The following INTS4 variants were observed in gnomAD, a reference collection of about 807,000 sequenced individuals.
INTS4 encodes MSTP093.
In INTS4, 70 loss-of-function variants were observed where a neutral mutation model predicts 119.5. The ratio of observed to expected loss-of-function variants is 0.59; its 90% CI spans 0.48 to 0.71. INTS4 has a LOEUF of 0.71. Among genes scored for constraint, INTS4 ranks in the 30% least tolerant of loss-of-function variants. The probability of loss-of-function intolerance (pLI) is 0.00; values close to 1 mark genes in which losing one functional copy is unlikely to be tolerated. For synonymous variants in INTS4, 316 were observed against 419.6 expected (o/e 0.75, Z 3.02); for missense variants, 867 against 1,173.2 (o/e 0.74, Z 3.81).
At chr11:77,936,253 C>G (rs893867136) in intron 10 of INTS4, among the ~76,000 whole-genome samples, 20 of 151,982 alleles carry the variant, frequency 1.3e-4, no homozygotes, top group Admixed American at 1.3e-3. Context: ...AACCAACCTA[C>G]GAATCACAGA....
intron 22 of INTS4, among the ~76,000 whole-genome samples, chr11:77,880,505 A>G (rs1951751202): frequency 6.6e-6 from 1 of 152,206 alleles, no homozygotes; most frequent in Admixed American, 6.5e-5. Flanking sequence ...AACTGTCATG[A>G]AACTAACACT....
chr11:77,961,125 G>C lies in INTS4; in HGVS notation c.485C>G (p.Thr162Arg). Reference sequence around the variant, plus strand: ...GCACTTATTTCTTACACCATGAGACGTATCTGTCAGATGCTATTAAAAAAA... The same window carrying C: ...GCACTTATTTCTTACACCATGAGACCTATCTGTCAGATGCTATTAAAAAAA... ...VDVACKHLTD[T>R]SHGVRNKCLQ... is the part of the protein sequence containing the mutation. Residue 162 changes from threonine to arginine, a missense_variant, in exon 5 of 23, where the codon ACG becomes AGG. Thr to Arg is a moderately conservative substitution (Grantham distance 71). This residue lies in a region of INTS4 where 224 missense variants were observed against 231.8 expected (regional missense o/e 0.97). Transcript: ENST00000534064. The C allele has an allele frequency of 6.7e-7, 1 of 1,483,840 alleles. No individual in the cohort carries two copies. Among genetic ancestry groups the C allele is most frequent in the South Asian group, 1.2e-5 (1 of 80,340 alleles). The allele number at this position is 1,483,840 out of a possible 1,614,324, so 91.9% of individuals were successfully genotyped here. A position where few individuals can be genotyped will look rare whatever the true frequency, so the allele number is the denominator to read the frequency against.
At chr11:77,895,223 G>A (rs1452171756) in intron 18 of INTS4, among the ~76,000 whole-genome samples, 1 of 151,820 alleles carries the variant, frequency 6.6e-6, no homozygotes, top group Non-Finnish European at 1.5e-5. Context: ...TTTCTTGTAT[G>A]TAATTTCTGC....
intron 15 of INTS4, chr11:77,918,416 C>CAA (rs34005455): frequency 0.07 from 3,991 of 56,966 alleles, 223 homozygotes; most frequent in East Asian, 0.2. Flanking sequence ...GACCCTGTCT[C>CAA]AAAAAAAAAA....
At chr11:77,901,272 T>C in intron 18 of INTS4, 149 bp downstream of exon 18, 1 of 842,222 alleles carries the variant, frequency 1.2e-6, no homozygotes, top group East Asian at 2.4e-5. Context: ...ATTTGTAATA[T>C]CTGAAAAAAA....
At chr11:77,989,726 CAAA>C (rs143173961) in intron 2 of INTS4, among the ~76,000 whole-genome samples, 3 of 76,458 alleles carry the variant, frequency 3.9e-5, no homozygotes. Flanking sequence ...CCTGTCTCTA[CAAA>C]AAAAAAAAAA....
intron 15 of INTS4, among the ~76,000 whole-genome samples, chr11:77,913,528 G>A (rs1953136523): frequency 6.6e-6 from 1 of 152,022 alleles, no homozygotes; most frequent in Non-Finnish European, 1.5e-5. Flanking sequence ...AGCCAGGATG[G>A]TCTCGATCTC....
chr11:77,886,056 A>G (rs556965173), intron 21 of INTS4, among the ~76,000 whole-genome samples: 19 of 151,972 alleles, frequency 1.3e-4, no homozygotes, highest in Non-Finnish European at 2.8e-4. Context: ...AAAAATTAAA[A>G]TTAGCCAGGT....
chr11:77,993,282 T>G (rs1591159760), intron 1 of INTS4, among the ~76,000 whole-genome samples: 1 of 152,200 alleles, frequency 6.6e-6, no homozygotes, highest in East Asian at 1.9e-4. Flanking sequence ...TACCACAGAA[T>G]GCTACAGAAA....
intron 8 of INTS4, among the ~76,000 whole-genome samples, chr11:77,942,042 T>C (rs1308476770): frequency 1.3e-5 from 2 of 152,226 alleles, no homozygotes; most frequent in Non-Finnish European, 2.9e-5. Flanking sequence ...TCATTCTTCT[T>C]TCCATTCATC....
downstream of INTS4, among the ~76,000 whole-genome samples, chr11:77,877,319 G>C (rs367900775): frequency 2.6e-5 from 4 of 152,184 alleles, no homozygotes; most frequent in East Asian, 1.9e-4. Flanking sequence ...TAAACCAAAA[G>C]TTAAAACATG....
chr11:77,930,207 T>G (rs998325371), intron 10 of INTS4, among the ~76,000 whole-genome samples: 2 of 152,086 alleles, frequency 1.3e-5, no homozygotes, highest in African/African-American at 4.8e-5. Flanking sequence ...CAAAACAAAA[T>G]AAAACAAAAA....
At chr11:77,965,796 A>G (rs1281151607) in intron 4 of INTS4, among the ~76,000 whole-genome samples, 5 of 152,224 alleles carry the variant, frequency 3.3e-5, no homozygotes. Context: ...TTGGAGTGCA[A>G]GCATCCCTTC....
intron 17 of INTS4, among the ~76,000 whole-genome samples, chr11:77,903,092 A>AG (rs926954998): frequency 6.6e-6 from 1 of 152,202 alleles, no homozygotes; most frequent in Non-Finnish European, 1.5e-5. Context: ...TTTATAGAAG[A>AG]GAAAAAATCC....
At chr11:77,955,423 C>T (rs1954294082) in intron 8 of INTS4, among the ~76,000 whole-genome samples, 1 of 151,832 alleles carries the variant, frequency 6.6e-6, no homozygotes, top group Non-Finnish European at 1.5e-5. Flanking sequence ...TCTGTAAAAA[C>T]TTAATGAGAA....
rs189502942 is a variant in INTS4, at chr11:77,944,595, G to A, written c.919-3344C>T. On this transcript the variant is annotated intron_variant, in intron 8 of 22. Coordinates refer to ENST00000534064, the MANE Select transcript of INTS4 (RefSeq NM_033547.4). Reference sequence around the variant, plus strand: ...CCCTGGCTACCTGACTATCAACTTCGTTGAAGACAGAAACTGTCCTCGATG... The same window carrying A: ...CCCTGGCTACCTGACTATCAACTTCATTGAAGACAGAAACTGTCCTCGATG... Among the ~76,000 whole-genome samples the A allele has an allele frequency of 3.7e-3, 567 of 152,240 alleles. 4 individuals are homozygous for A. Among genetic ancestry groups the A allele is most frequent in the African/African-American group, 0.013 (531 of 41,542 alleles).
intron 6 of INTS4, among the ~76,000 whole-genome samples, chr11:77,959,783 C>T (rs367685008): frequency 3.3e-5 from 5 of 152,138 alleles, no homozygotes; most frequent in African/African-American, 7.2e-5. Context: ...AATCTCTGAA[C>T]GTGGATTTAG....
Position 77,956,003 on chromosome 11 carries a change from T to G in INTS4, c.857A>C (p.Lys286Thr), listed in dbSNP as rs995319423. 2 of 1,611,054 alleles carry G rather than the reference T, an allele frequency of 1.2e-6. No homozygotes were observed. The highest frequency in any genetic ancestry group is 1.7e-6 in the Non-Finnish European group (2 of 1,179,706). Residue 286 changes from lysine to threonine, a missense_variant, in exon 8 of 23, where the codon AAA becomes ACA. Physicochemically the swap from Lys to Thr is moderately conservative, Grantham distance 78. Coordinates refer to ENST00000534064, the MANE Select transcript of INTS4 (RefSeq NM_033547.4). ...EIRLVDDAFG[K>T]ICHMVSDGSW... The stretch of plus-strand genomic sequence containing the variant: ...GCCATCACTGACCATGTGACAAATT[T>G]TGCCAAACGCATCATCAACTAAGCG...
chr11:77,932,794 T>C (rs556213338), intron 10 of INTS4, among the ~76,000 whole-genome samples: 5 of 152,188 alleles, frequency 3.3e-5, no homozygotes, highest in Non-Finnish European at 5.9e-5. Context: ...GATGAGTTCA[T>C]GTTCTTTGCA....
Sources: allele counts gnomAD v4.1 joint callset (sites outside exome capture counted in the v4.1 genomes callset), GRCh38; gene constraint gnomAD v4.1.1; regional missense constraint gnomAD v4.1.1; transcripts MANE v1.5; gene names NCBI Gene and HGNC (gene_info 2026-07-23, HGNC 2026-07-21).